SV2C: variants seen among roughly 807,000 people sequenced by gnomAD.
SV2C encodes synaptic vesicle glycoprotein 2C.
A neutral mutation model predicts 79.7 loss-of-function variants in SV2C; 49 were observed. That is an observed-to-expected ratio of 0.61 (90% CI 0.49 to 0.78). The LOEUF is 0.78. SV2C is among the 30% of genes least tolerant of loss of function. The pLI is 0.00. For missense variants in SV2C, 833 were observed against 912.9 expected, an observed-to-expected ratio of 0.91 and a Z score of 1.13; for synonymous variants, 334 against 333.2, an observed-to-expected ratio of 1.00 and a Z score of -0.03.
chr5:75,857,012 A>G, the SV2C span, among the ~76,000 whole-genome samples: 2 of 140,092 alleles, frequency 1.4e-5, no homozygotes, highest in Non-Finnish European at 3.0e-5. Context: ...GCTGAAGTGC[A>G]GTGGTGCAAT....
chr5:75,990,425 C>A, the SV2C span, among the ~76,000 whole-genome samples: 3 of 151,946 alleles, frequency 2.0e-5, no homozygotes, highest in Non-Finnish European at 4.4e-5. Context: ...ATTTCTCCTG[C>A]ATCATGTGCA....
chr5:76,173,713 G>C, intron 2 of SV2C: 1 of 1,613,580 alleles, frequency 6.2e-7, no homozygotes, highest in Non-Finnish European at 8.5e-7. Flanking sequence ...GGTCATAAAA[G>C]ATCTCATTAA....
chr5:76,273,146 GATATATAT>G (rs369657969), intron 4 of SV2C, among the ~76,000 whole-genome samples: 19 of 129,114 alleles, frequency 1.5e-4, no homozygotes, highest in South Asian at 2.4e-4. Context: ...TTACAAAAAA[GATATATAT>G]ATATATATAT....
chr5:76,099,641 T>C (rs576321203), intron 1 of SV2C, among the ~76,000 whole-genome samples: 6 of 152,296 alleles, frequency 3.9e-5, no homozygotes, highest in Non-Finnish European at 8.8e-5. Context: ...AATCAGGATC[T>C]CTAGCTTCTC....
chr5:76,113,929 C>T (rs529599261), intron 1 of SV2C, among the ~76,000 whole-genome samples: 42 of 152,310 alleles, frequency 2.8e-4, no homozygotes, highest in African/African-American at 7.9e-4. Context: ...CATACACACA[C>T]ACACACACAC....
chr5:76,280,685 C>G (rs1580015972), intron 4 of SV2C, among the ~76,000 whole-genome samples: 1 of 152,282 alleles, frequency 6.6e-6, no homozygotes, highest in East Asian at 1.9e-4. Flanking sequence ...TGGCTGCTTT[C>G]CCCGGGGGGT....
At chr5:76,085,346 AAAT>A (rs1308016121) in intron 1 of SV2C, among the ~76,000 whole-genome samples, 1 of 152,202 alleles carries the variant, frequency 6.6e-6, no homozygotes, top group Non-Finnish European at 1.5e-5. Context: ...CATGGCATAA[AAAT>A]ACGCGTTAAA....
chr5:76,208,875 A>G (rs1744687932), intron 3 of SV2C, among the ~76,000 whole-genome samples: 1 of 152,180 alleles, frequency 6.6e-6, no homozygotes, highest in Non-Finnish European at 1.5e-5. Flanking sequence ...AGTGGTTCCT[A>G]AAGTTTTAGG....
chr5:75,897,747 G>C, the SV2C span, among the ~76,000 whole-genome samples: 1 of 152,108 alleles, frequency 6.6e-6, no homozygotes, highest in Admixed American at 6.5e-5. Context: ...ATTTCCTTGA[G>C]CAGTGGTTTG....
At chr5:76,084,381 G>A (rs1198642558) in intron 1 of SV2C, among the ~76,000 whole-genome samples, 2 of 152,054 alleles carry the variant, frequency 1.3e-5, no homozygotes, top group Admixed American at 6.5e-5. Context: ...CTCTTAGTGG[G>A]CTTTTCCCCT....
At chr5:76,027,917 T>C in the SV2C span, among the ~76,000 whole-genome samples, 1 of 152,350 alleles carries the variant, frequency 6.6e-6, no homozygotes, top group East Asian at 1.9e-4. Flanking sequence ...CTATTACCTC[T>C]AATTCTCTTA....
the SV2C span, among the ~76,000 whole-genome samples, chr5:76,049,970 A>G: frequency 1.3e-5 from 2 of 152,232 alleles, no homozygotes; most frequent in Non-Finnish European, 2.9e-5. Flanking sequence ...GTTGAATCTT[A>G]CCTAGTTCCA....
intron 12 of SV2C, among the ~76,000 whole-genome samples, chr5:76,350,192 T>C (rs1256217365): frequency 6.6e-6 from 1 of 152,136 alleles, no homozygotes; most frequent in East Asian, 1.9e-4. Flanking sequence ...CCTCCATACA[T>C]GTGATTTTCC....
the SV2C span, among the ~76,000 whole-genome samples, chr5:75,893,801 A>C: frequency 1.3e-5 from 2 of 152,038 alleles, no homozygotes; most frequent in Non-Finnish European, 2.9e-5. Context: ...AATGTACTTT[A>C]CCCTGCCATA....
the SV2C span, among the ~76,000 whole-genome samples, chr5:75,953,728 G>A: frequency 1.3e-5 from 2 of 151,958 alleles, no homozygotes; most frequent in African/African-American, 4.8e-5. Flanking sequence ...ATAAATCTGA[G>A]TTGCGTTTTA....
chr5:75,921,061 G>T, the SV2C span: 3 of 748,038 alleles, frequency 4.0e-6, no homozygotes, highest in Non-Finnish European at 7.0e-6. Context: ...TCTTGTAGTA[G>T]CGGGCAGTGT....
the SV2C span, among the ~76,000 whole-genome samples, chr5:75,930,235 G>A: frequency 6.6e-6 from 1 of 150,654 alleles, no homozygotes; most frequent in Non-Finnish European, 1.5e-5. Context: ...ACATATTATT[G>A]TCAGGTGCAG....
At chr5:76,064,143 G>T in the SV2C span, among the ~76,000 whole-genome samples, 2 of 152,144 alleles carry the variant, frequency 1.3e-5, no homozygotes, top group Non-Finnish European at 2.9e-5. Context: ...ATAAGCCCTC[G>T]CTGCTGCACA....
At chr5:75,984,943 C>G in the SV2C span, among the ~76,000 whole-genome samples, 2 of 151,950 alleles carry the variant, frequency 1.3e-5, no homozygotes, top group African/African-American at 4.8e-5. Flanking sequence ...AGCAGCACCT[C>G]GATTAGTGCT....
Sources: gnomAD v4.1 joint callset for allele counts (sites outside exome capture counted in the v4.1 genomes callset) on GRCh38, gnomAD v4.1.1 for gene constraint, MANE v1.5 for transcripts, NCBI Gene and HGNC (gene_info 2026-07-23, HGNC 2026-07-21) for gene names.